The following AFG3L2 variants were observed in gnomAD, a reference collection of about 807,000 sequenced individuals.
AFG3L2 encodes AFG3 like matrix AAA peptidase subunit 2.
Under a neutral mutation model 94.5 loss-of-function variants are expected in AFG3L2, and 54 were observed. That is an observed-to-expected ratio of 0.57 (90% confidence interval 0.46 to 0.72). AFG3L2 has a LOEUF of 0.72. Ranked by LOEUF, AFG3L2 falls within the 30% of genes least tolerant of loss-of-function variation. The pLI, the probability that AFG3L2 is intolerant of heterozygous loss-of-function variation, is 0.00. For synonymous variants in AFG3L2, 377 were observed against 365.5 expected (o/e 1.03, Z -0.36); for missense variants, 754 against 994.9 (o/e 0.76, Z 3.26).
At chr18:12,336,073 T>C (rs1598819903) in intron 16 of AFG3L2, among the ~76,000 whole-genome samples, 1 of 152,336 alleles carries the variant, frequency 6.6e-6, no homozygotes, top group East Asian at 1.9e-4. Context: ...TGGGCCAAGC[T>C]AGCTTCGGGA....
intron 1 of AFG3L2, among the ~76,000 whole-genome samples, chr18:12,374,386 C>T (rs1909079083): frequency 6.6e-6 from 1 of 152,210 alleles, no homozygotes; most frequent in Non-Finnish European, 1.5e-5. Flanking sequence ...ACTCATCTCT[C>T]AACACATCAG....
At chr18:12,355,888 G>A (rs962638643) in intron 9 of AFG3L2, among the ~76,000 whole-genome samples, 3 of 151,966 alleles carry the variant, frequency 2.0e-5, no homozygotes, top group African/African-American at 7.3e-5. Flanking sequence ...TAGCCAGGAT[G>A]GTCTCGATCT....
rs1907427263 is a variant in AFG3L2, at chr18:12,329,148, C to CATCT, written c.*413_*416dup. On this transcript the variant is annotated 3_prime_UTR_variant, in exon 17 of 17. Coordinates refer to ENST00000269143, the MANE Select transcript of AFG3L2 (RefSeq NM_006796.3). Reference sequence around the variant, plus strand: ...AAGACTCCAATTTAATTTCACAGCCCATCTGCACAGGGGAACTGAGGAGAA... The same window carrying CATCT: ...AAGACTCCAATTTAATTTCACAGCCCATCTATCTGCACAGGGGAACTGAGGAGAA... The CATCT allele has an allele frequency of 1.4e-6, 1 of 702,958 alleles. No homozygotes were observed. The allele number at this position is 702,958 out of a possible 1,614,324, so 43.5% of individuals were successfully genotyped here.
Position 12,358,748 on chromosome 18 carries a change from G to A in AFG3L2, c.948C>T (p.Ala316=). The change falls in exon 8 of 17, where the codon GCC becomes GCT. Residue 316 remains alanine (A), a synonymous_variant. Transcript: ENST00000269143. ...TCACAAATTCCATGATCTCTAGCTTGGCCTCCTCACAGCCAGCCACATCTT... is the reference window on the plus strand; with the variant it reads ...TCACAAATTCCATGATCTCTAGCTTAGCCTCCTCACAGCCAGCCACATCTT... The part of the protein sequence containing the change: ...KFKDVAGCEE[A]KLEIMEFVNF... The A allele has an allele frequency of 1.2e-6, 2 of 1,614,188 alleles. No homozygotes were observed. The highest frequency in any genetic ancestry group is 2.2e-5 in the South Asian group (2 of 91,088).
At chr18:12,357,932 T>C (rs1173617398) in intron 8 of AFG3L2, among the ~76,000 whole-genome samples, 2 of 152,236 alleles carry the variant, frequency 1.3e-5, no homozygotes, top group East Asian at 3.9e-4. Flanking sequence ...GTAGAGACAG[T>C]TAGGTGTAAT....
chr18:12,348,455 C>T lies in AFG3L2; in HGVS notation c.1553-72G>A, dbSNP rs1258614797. 1.8e-5 allele frequency: 20 copies of T among 1,127,226 alleles called. No individual in the cohort carries two copies. The East Asian group carries it at 4.7e-4, about 27-fold the overall frequency. The allele number at this position is 1,127,226 out of a possible 1,614,324, so 69.8% of individuals were successfully genotyped here. Reference sequence around the variant, plus strand: ...CTGATCAGTCACACAATATGGACAGCCAAATCCATAGTTAATTTTTAAATC... The same window carrying T: ...CTGATCAGTCACACAATATGGACAGTCAAATCCATAGTTAATTTTTAAATC... On this transcript the variant is annotated intron_variant, in intron 12 of 16. Transcript: ENST00000269143.
At position 12,368,210 on chromosome 18, in the gene AFG3L2, T is replaced by G. The variant is rs139226527; in HGVS notation, c.293-828A>C. On this transcript the variant is annotated intron_variant, in intron 3 of 16. Transcript: ENST00000269143. ...AAAAAATAAAAAAATAAAATAAAAA[T>G]TAGCCAGGCATCGTAGTGTGCACCT... Among the ~76,000 whole-genome samples, 705 of 151,754 alleles carry G rather than the reference T, an allele frequency of 4.6e-3. 4 individuals are homozygous for G. Among genetic ancestry groups the G allele is most frequent in the Non-Finnish European group, 4.9e-3 (336 of 67,916 alleles).
chr18:12,368,152 C>A (rs1462127403), intron 3 of AFG3L2, among the ~76,000 whole-genome samples: 1 of 147,996 alleles, frequency 6.8e-6, no homozygotes, highest in Non-Finnish European at 1.5e-5. Flanking sequence ...GGGCAACAAG[C>A]GTGAAACTCC....
At chr18:12,372,133 G>A (rs765072791) in intron 1 of AFG3L2, among the ~76,000 whole-genome samples, 10 of 151,830 alleles carry the variant, frequency 6.6e-5, no homozygotes, top group Admixed American at 1.3e-4. Context: ...GTGAAACCCC[G>A]TCTCTACTAA....
intron 6 of AFG3L2, among the ~76,000 whole-genome samples, chr18:12,361,655 A>G (rs970087058): frequency 4.6e-5 from 7 of 152,200 alleles, no homozygotes; most frequent in Admixed American, 4.6e-4. Context: ...TCAAAAAACA[A>G]ACAAAAAAAC....
At chr18:12,373,200 T>C (rs191730755) in intron 1 of AFG3L2, among the ~76,000 whole-genome samples, 156 of 152,358 alleles carry the variant, frequency 1.0e-3, no homozygotes, top group African/African-American at 3.6e-3. Context: ...TGTTACACCC[T>C]GCCCAACCAC....
chr18:12,367,900 G>A (rs985785476), intron 3 of AFG3L2, among the ~76,000 whole-genome samples: 2 of 152,206 alleles, frequency 1.3e-5, no homozygotes, highest in Non-Finnish European at 1.5e-5. Flanking sequence ...CGGGCGCGGT[G>A]GTTCACGCCT....
At position 12,343,956 on chromosome 18, in the gene AFG3L2, T is replaced by A. The variant is rs1401914910; in HGVS notation, c.1779+176A>T. 3 of 640,852 alleles carry A rather than the reference T, an allele frequency of 4.7e-6. No individual in the cohort carries two copies. In the African/African-American group the frequency reaches 5.5e-5, roughly 12 times the overall value. The allele number at this position is 640,852 out of a possible 1,614,324, so 39.7% of individuals were successfully genotyped here. A position where few individuals can be genotyped will look rare whatever the true frequency, so the allele number is the denominator to read the frequency against. On this transcript the variant is annotated intron_variant, in intron 14 of 16. Coordinates refer to ENST00000269143, the MANE Select transcript of AFG3L2 (RefSeq NM_006796.3). ...CCCTTTAAATAATTTTCTGTCCAAA[T>A]TTTATATTTATCTATGGGACGGTTT...
At chr18:12,332,962 AATATATT>A (rs1304501388) in intron 16 of AFG3L2, among the ~76,000 whole-genome samples, 4 of 117,758 alleles carry the variant, frequency 3.4e-5, no homozygotes, top group African/African-American at 1.3e-4. Flanking sequence ...TATATACTAT[AATATATT>A]ATATATTATA....
chr18:12,375,256 G>GCC (rs1909112030), intron 1 of AFG3L2, among the ~76,000 whole-genome samples: 1 of 112,576 alleles, frequency 8.9e-6, no homozygotes, highest in African/African-American at 3.9e-5. Context: ...CCCCACCCCC[G>GCC]CTCTTTTTTT....
At chr18:12,371,805 T>A (rs1909000524) in intron 1 of AFG3L2, 114 bp from the exon 2 acceptor site, 1 of 847,132 alleles carries the variant, frequency 1.2e-6, no homozygotes, top group Non-Finnish European at 1.9e-6. Context: ...CAGGTGGTTA[T>A]GAAGTAACAC....
chr18:12,333,093 ATAATCTAT>A (rs1278419034), intron 16 of AFG3L2, among the ~76,000 whole-genome samples: 6 of 97,908 alleles, frequency 6.1e-5, no homozygotes, highest in African/African-American at 1.3e-4. Flanking sequence ...ATAATAGATT[ATAATCTAT>A]TATATAACTA....
intron 7 of AFG3L2, among the ~76,000 whole-genome samples, chr18:12,359,570 C>A (rs1908595292): frequency 6.6e-6 from 1 of 151,862 alleles, no homozygotes; most frequent in African/African-American, 2.4e-5. Context: ...GAATCCCTGC[C>A]TCTACTAGAA....
intron 3 of AFG3L2, among the ~76,000 whole-genome samples, chr18:12,369,591 C>T (rs1908913401): frequency 6.6e-6 from 1 of 151,612 alleles, no homozygotes; most frequent in Non-Finnish European, 1.5e-5. Context: ...CATGGTGGCG[C>T]ATGCCTATAA....
Sources: allele counts gnomAD v4.1 joint callset (sites outside exome capture counted in the v4.1 genomes callset), GRCh38; gene constraint gnomAD v4.1.1; transcripts MANE v1.5; gene names NCBI Gene and HGNC (gene_info 2026-07-23, HGNC 2026-07-21).